The following MYO6 variants were observed in gnomAD, a reference collection of about 807,000 sequenced individuals.
MYO6 encodes the protein unconventional myosin-VI.
Under a neutral mutation model 178.7 loss-of-function variants are expected in MYO6, and 74 were observed. The observed-to-expected ratio is 0.41, with a 90% CI of 0.34 to 0.50. The LOEUF is 0.50. Among genes scored for constraint, MYO6 ranks in the 20% least tolerant of loss-of-function variants. The pLI is 0.09. For synonymous variants in MYO6, 477 were observed against 504.6 expected (o/e 0.95, Z 0.73); for missense variants, 1,330 against 1,547.4 (o/e 0.86, Z 2.36).
In MYO6 at chr6:75,885,993, C is replaced by G; in HGVS notation, c.2417-11C>G. On this transcript the variant is annotated splice_polypyrimidine_tract_variant and intron_variant, in intron 23 of 34. Transcript: ENST00000369977. ...TAATTTTCTATCATTTTATTTTACT[C>G]TTACACATAGTGAAAAACAAAATAA... The G allele has an allele frequency of 1.3e-6, 2 of 1,507,764 alleles. No individual in the cohort carries two copies. The highest frequency in any genetic ancestry group is 1.8e-6 in the Non-Finnish European group (2 of 1,086,134). The allele number at this position is 1,507,764 out of a possible 1,614,324, so 93.4% of individuals were successfully genotyped here. A position where few individuals can be genotyped will look rare whatever the true frequency, so the allele number is the denominator to read the frequency against.
At chr6:75,868,037 T>C (rs1393071119) in intron 18 of MYO6, among the ~76,000 whole-genome samples, 4 of 152,132 alleles carry the variant, frequency 2.6e-5, no homozygotes, top group Non-Finnish European at 5.9e-5. Context: ...ATATGTACTT[T>C]AAATATTTAA....
intron 30 of MYO6, among the ~76,000 whole-genome samples, chr6:75,900,306 G>A (rs1292409834): frequency 8.6e-5 from 13 of 151,878 alleles, no homozygotes; most frequent in African/African-American, 2.2e-4. Context: ...CTGAGGAATT[G>A]CCACACTGAC....
intron 1 of MYO6, among the ~76,000 whole-genome samples, chr6:75,783,496 A>T (rs1767198561): frequency 1.3e-5 from 2 of 151,624 alleles, no homozygotes; most frequent in African/African-American, 4.8e-5. Context: ...TCTTTATTTT[A>T]ATAATGACAT....
chr6:75,754,519 CAAAAA>C (rs58162315), intron 1 of MYO6, among the ~76,000 whole-genome samples: 5 of 44,176 alleles, frequency 1.1e-4, no homozygotes, highest in East Asian at 2.0e-3. Context: ...GACTCCGTCT[CAAAAA>C]AAAAAAAAAA....
intron 1 of MYO6, among the ~76,000 whole-genome samples, chr6:75,784,528 C>T (rs1767312201): frequency 6.6e-6 from 1 of 151,552 alleles, no homozygotes; most frequent in East Asian, 2.0e-4. Flanking sequence ...AATCCCAGCA[C>T]TTTGGGAGGC....
intron 23 of MYO6, among the ~76,000 whole-genome samples, chr6:75,883,218 G>T (rs1030722122): frequency 1.3e-5 from 2 of 150,162 alleles, no homozygotes; most frequent in Non-Finnish European, 3.0e-5. Flanking sequence ...AACAATTTAA[G>T]ATAGTGAAAA....
chr6:75,918,505 G>C lies in MYO6; in HGVS notation c.*3493G>C, dbSNP rs1781251797. On this transcript the variant is annotated 3_prime_UTR_variant, in exon 35 of 35. Transcript: ENST00000369977. ...TCAGAACGTATGGTTATTAAAACTT[G>C]GATCAAGATATGCCCGGTGTATACA... 6.6e-6 allele frequency: 1 copy of C among 152,162 alleles called. No homozygotes were observed. The highest frequency in any genetic ancestry group is 1.5e-5 in the Non-Finnish European group (1 of 68,032). The allele number at this position is 152,162 out of a possible 1,614,324, so 9.4% of individuals were successfully genotyped here. A position where few individuals can be genotyped will look rare whatever the true frequency, so the allele number is the denominator to read the frequency against.
intron 1 of MYO6, among the ~76,000 whole-genome samples, chr6:75,805,873 C>T (rs1770024902): frequency 6.6e-6 from 1 of 152,114 alleles, no homozygotes. Context: ...TACAATAGCA[C>T]TGGGAATTGA....
intron 1 of MYO6, among the ~76,000 whole-genome samples, chr6:75,783,613 A>G (rs545526025): frequency 1.1e-3 from 159 of 150,588 alleles, no homozygotes; most frequent in Non-Finnish European, 1.8e-3. Flanking sequence ...ATGTTGACAC[A>G]TACCATAATT....
At chr6:75,832,664 T>C (rs950063619) in intron 5 of MYO6, among the ~76,000 whole-genome samples, 178 bp from the exon 6 acceptor site, 1 of 152,238 alleles carries the variant, frequency 6.6e-6, no homozygotes, top group Non-Finnish European at 1.5e-5. Context: ...ATAGAACATT[T>C]AAAGTAAATA....
chr6:75,760,785 T>C (rs1206557916), intron 1 of MYO6, among the ~76,000 whole-genome samples: 1 of 152,042 alleles, frequency 6.6e-6, no homozygotes, highest in Non-Finnish European at 1.5e-5. Flanking sequence ...TTCAAACTTT[T>C]GTGGGATCTT....
At chr6:75,866,259 G>A (rs755900598) in intron 16 of MYO6, among the ~76,000 whole-genome samples, 9 of 126,840 alleles carry the variant, frequency 7.1e-5, no homozygotes, top group Non-Finnish European at 1.2e-4. Context: ...CTTTCTCTCC[G>A]TCTCTGTCTC....
intron 30 of MYO6, among the ~76,000 whole-genome samples, chr6:75,905,267 G>A (rs898656559): frequency 6.6e-6 from 1 of 152,214 alleles, no homozygotes; most frequent in Non-Finnish European, 1.5e-5. Context: ...GAGCTTCCCG[G>A]CTGCTTTGTT....
intron 22 of MYO6, among the ~76,000 whole-genome samples, chr6:75,881,286 T>C (rs1778001241): frequency 6.6e-6 from 1 of 152,116 alleles, no homozygotes; most frequent in South Asian, 2.1e-4. Flanking sequence ...CCTGGTATTA[T>C]ATAGCTAATA....
At chr6:75,779,268 G>A (rs908346000) in intron 1 of MYO6, among the ~76,000 whole-genome samples, 3 of 152,020 alleles carry the variant, frequency 2.0e-5, no homozygotes, top group Admixed American at 1.3e-4. Flanking sequence ...TTGGGACGCC[G>A]AGGTGGTCAG....
intron 2 of MYO6, 109 bp downstream of exon 2, chr6:75,817,773 AT>A: frequency 1.0e-6 from 1 of 982,392 alleles, no homozygotes; most frequent in Non-Finnish European, 1.6e-6. Flanking sequence ...GGGAAAGCAT[AT>A]TTCTGGTAAG....
chr6:75,803,459 G>C (rs569780245), intron 1 of MYO6, among the ~76,000 whole-genome samples: 2 of 152,132 alleles, frequency 1.3e-5, no homozygotes, highest in Non-Finnish European at 2.9e-5. Context: ...ATCAGGACCA[G>C]GGCCATAATC....
rs749136566 is a variant in MYO6, at chr6:75,832,924, A to G, written c.474A>G (p.Thr158=). 6.2e-7 allele frequency: 1 copy of G among 1,613,358 alleles called. No homozygotes were observed. Among genetic ancestry groups the G allele is most frequent in the Non-Finnish European group, 8.5e-7 (1 of 1,179,396 alleles). The change falls in exon 6 of 35, where the codon ACA becomes ACG. Residue 158 remains threonine (T), a synonymous_variant. Transcript: ENST00000369977. ...IVSGESGAGK[T]ENTKFVLRYL... is the part of the protein sequence containing the mutation. ...CTGGAGAATCAGGAGCCGGCAAAAC[A>G]GAAAATACAAAATTTGTTCTAAGGT...
At chr6:75,902,890 G>A (rs1779931430) in intron 30 of MYO6, among the ~76,000 whole-genome samples, 1 of 151,858 alleles carries the variant, frequency 6.6e-6, no homozygotes, top group Non-Finnish European at 1.5e-5. Context: ...TCTACACACT[G>A]CGTTGAATGC....
Sources: gnomAD v4.1 joint callset for allele counts (sites outside exome capture counted in the v4.1 genomes callset) on GRCh38, gnomAD v4.1.1 for gene constraint, MANE v1.5 for transcripts, NCBI Gene and HGNC (gene_info 2026-07-23, HGNC 2026-07-21) for gene names.